Variants in MYT1L observed in about 807,000 individuals in gnomAD.
MYT1L encodes the protein myelin transcription factor 1 like.
A neutral mutation model predicts 126.7 loss-of-function variants in MYT1L; 12 were observed. The observed-to-expected ratio is 0.09, with a 90% confidence interval of 0.06 to 0.15. The LOEUF is 0.15. MYT1L is among the 10% of genes least tolerant of loss of function. The pLI is 1.00. For synonymous variants in MYT1L, 541 were observed against 604.2 expected (o/e 0.90, Z 1.53); for missense variants, 979 against 1,585.2 (o/e 0.62, Z 6.49).
At chr2:2,259,792 G>A (rs1289220337) in intron 2 of MYT1L, among the ~76,000 whole-genome samples, 1 of 152,192 alleles carries the variant, frequency 6.6e-6, no homozygotes, top group Non-Finnish European at 1.5e-5. Flanking sequence ...TTGGAGCCCT[G>A]TCAATGTGTG....
At chr2:2,131,317 C>G (rs1190072961) in intron 3 of MYT1L, among the ~76,000 whole-genome samples, 1 of 152,276 alleles carries the variant, frequency 6.6e-6, no homozygotes, top group East Asian at 1.9e-4. Context: ...ATCAAACAGC[C>G]TATGATACAA....
chr2:2,323,122 G>A (rs1167480801), intron 1 of MYT1L, among the ~76,000 whole-genome samples: 3 of 152,158 alleles, frequency 2.0e-5, no homozygotes, highest in African/African-American at 7.2e-5. Context: ...GCAAGTTTCA[G>A]CAGCTTCACA....
intron 2 of MYT1L, among the ~76,000 whole-genome samples, chr2:2,281,819 G>T (rs529440195): frequency 6.6e-6 from 1 of 152,246 alleles, no homozygotes; most frequent in South Asian, 2.1e-4. Flanking sequence ...TGAATAATAT[G>T]CAAACCCTTG....
chr2:2,006,751 T>C (rs1286430493), intron 4 of MYT1L, among the ~76,000 whole-genome samples: 1 of 151,966 alleles, frequency 6.6e-6, no homozygotes, highest in Non-Finnish European at 1.5e-5. Flanking sequence ...AATTTTTGTA[T>C]TTTTAGTAGA....
chr2:1,979,864 A>T lies in MYT1L; in HGVS notation c.1-87T>A. Reference sequence around the variant, plus strand: ...GGCGGCTCACTCTCCCTGGCATTCTATTAATGGGGCTTTAATCCTGTTTCC... The same window carrying T: ...GGCGGCTCACTCTCCCTGGCATTCTTTTAATGGGGCTTTAATCCTGTTTCC... On this transcript the variant is annotated intron_variant, in intron 5 of 24. Transcript: ENST00000647738. This position sits in a 1 kb window ranked among gnomAD's most constrained non-coding sequence, Gnocchi z 4.0. 7.4e-7 allele frequency: 1 copy of T among 1,346,214 alleles called. No homozygotes were observed. Among genetic ancestry groups the T allele is most frequent in the Non-Finnish European group, 1.1e-6 (1 of 948,956 alleles). The allele number at this position is 1,346,214 out of a possible 1,614,324, so 83.4% of individuals were successfully genotyped here.
chr2:1,942,904 G>A (rs1247096295), intron 9 of MYT1L, 78 bp downstream of exon 9: 24 of 1,452,932 alleles, frequency 1.7e-5, no homozygotes, highest in South Asian at 2.9e-5. Flanking sequence ...CCAGTCATTC[G>A]TAGTAACAGC....
rs927771791 is a variant in MYT1L, at chr2:1,889,025, A to G, written c.2520+216T>C. Among the ~76,000 whole-genome samples, 1 of 152,198 alleles carries G rather than the reference A, an allele frequency of 6.6e-6. No individual in the cohort carries two copies. The highest frequency in any genetic ancestry group is 1.5e-5 in the Non-Finnish European group (1 of 68,036). On this transcript the variant is annotated intron_variant, in intron 16 of 24. Coordinates refer to ENST00000647738, the MANE Select transcript of MYT1L (RefSeq NM_001303052.2). The surrounding 1 kb of genome is among the most constrained non-coding windows in gnomAD (Gnocchi z 4.1). ...TATTTGTTAGAAAATAAACTTTATC[A>G]TTTACAAGAGTCAATACTTTGTTTC...
chr2:1,927,553 C>T (rs1472714593), intron 9 of MYT1L, among the ~76,000 whole-genome samples: 1 of 152,170 alleles, frequency 6.6e-6, no homozygotes, highest in Non-Finnish European at 1.5e-5. Context: ...CTAAGATACA[C>T]AACTTTTGAT....
chr2:1,839,869 A>G (rs1222066126), intron 20 of MYT1L, among the ~76,000 whole-genome samples: 5 of 152,232 alleles, frequency 3.3e-5, no homozygotes, highest in African/African-American at 7.2e-5. Flanking sequence ...CCTTCCAGCT[A>G]GAGAAGATCC....
intron 18 of MYT1L, among the ~76,000 whole-genome samples, chr2:1,866,376 G>A (rs73186612): frequency 0.014 from 2,045 of 151,030 alleles, 42 homozygotes; most frequent in African/African-American, 0.047. Flanking sequence ...TTACGAAGAT[G>A]AGAGAGAGAG....
rs189476225 is a variant in MYT1L at position 1,806,668 on chromosome 2, C to T, written c.3172+2408G>A. 6.6e-6 allele frequency among the ~76,000 whole-genome samples: 1 copy of T among 152,188 alleles called. No homozygotes were observed. Among genetic ancestry groups the T allele is most frequent in the Admixed American group, 6.5e-5 (1 of 15,282 alleles). ...GGCCCACCGATGAAGAGATGGCCAC[C>T]TCAGGGATCTGCCCACCGCCGCCCA... On this transcript the variant is annotated intron_variant, in intron 22 of 24. Coordinates refer to ENST00000647738, the MANE Select transcript of MYT1L (RefSeq NM_001303052.2). This position sits in a 1 kb window ranked among gnomAD's most constrained non-coding sequence, Gnocchi z 4.9.
intron 18 of MYT1L, among the ~76,000 whole-genome samples, chr2:1,884,769 A>G (rs896880173): frequency 2.0e-5 from 3 of 152,194 alleles, no homozygotes; most frequent in African/African-American, 7.2e-5. Flanking sequence ...CTCCTGTAAG[A>G]TACAGTCTCC....
chr2:2,177,875 G>A (rs979250076), intron 2 of MYT1L, among the ~76,000 whole-genome samples: 37 of 152,054 alleles, frequency 2.4e-4, no homozygotes, highest in Non-Finnish European at 8.8e-5. Flanking sequence ...CATATAATAG[G>A]GGCATGTCTT....
chr2:1,814,413 A>G (rs1182134223), intron 21 of MYT1L, among the ~76,000 whole-genome samples: 1 of 152,058 alleles, frequency 6.6e-6, no homozygotes, highest in South Asian at 2.1e-4. Flanking sequence ...GGCGGTTCCC[A>G]TCCTTGGTTA....
chr2:1,897,439 C>T (rs1210876257), intron 14 of MYT1L, among the ~76,000 whole-genome samples: 3 of 150,700 alleles, frequency 2.0e-5, no homozygotes, highest in Non-Finnish European at 2.9e-5. Flanking sequence ...TTTTTCTTTT[C>T]GCAAACAAAA....
At chr2:2,078,431 T>C (rs2075450396) in intron 3 of MYT1L, among the ~76,000 whole-genome samples, 1 of 152,130 alleles carries the variant, frequency 6.6e-6, no homozygotes, top group African/African-American at 2.4e-5. Flanking sequence ...TTCAATTAAA[T>C]GGTCTCTAGA....
At chr2:2,249,198 A>G (rs1316877926) in intron 2 of MYT1L, among the ~76,000 whole-genome samples, 1 of 152,080 alleles carries the variant, frequency 6.6e-6, no homozygotes, top group Non-Finnish European at 1.5e-5. Flanking sequence ...AACATACACA[A>G]ATAAGTTGCA....
chr2:2,028,287 G>A (rs1321354619), intron 4 of MYT1L, among the ~76,000 whole-genome samples: 1 of 152,228 alleles, frequency 6.6e-6, no homozygotes, highest in Non-Finnish European at 1.5e-5. Flanking sequence ...GGAGGAGCCT[G>A]GTGTGGAAAG....
At chr2:2,000,285 G>A (rs572810816) in intron 4 of MYT1L, among the ~76,000 whole-genome samples, 1 of 152,254 alleles carries the variant, frequency 6.6e-6, no homozygotes, top group Admixed American at 6.5e-5. Flanking sequence ...CTGTCCCAGG[G>A]CAGGGGGGTC....
Sources: gnomAD v4.1 joint callset for allele counts (sites outside exome capture counted in the v4.1 genomes callset) on GRCh38, gnomAD v4.1.1 for gene constraint, Gnocchi (gnomAD v3.1) non-coding constraint, MANE v1.5 for transcripts, NCBI Gene and HGNC (gene_info 2026-07-23, HGNC 2026-07-21) for gene names.